Variants in PRAM1 observed in about 807,000 individuals in gnomAD.
PRAM1 encodes the protein PML-RARA-regulated adapter molecule 1.
A neutral mutation model predicts 55.3 loss-of-function variants in PRAM1; 41 were observed. The ratio of observed to expected loss-of-function variants is 0.74; its 90% CI spans 0.58 to 0.96. The LOEUF (loss-of-function observed/expected upper bound fraction) is 0.96. Ranked by LOEUF, PRAM1 falls within the 40% of genes least tolerant of loss-of-function variation. The pLI, the probability that PRAM1 is intolerant of heterozygous loss-of-function variation, is 0.00. For missense variants in PRAM1, 898 were observed against 892.7 expected, an observed-to-expected ratio of 1.01 and a Z score of -0.08; for synonymous variants, 401 against 387.1, an observed-to-expected ratio of 1.04 and a Z score of -0.42.
At chr19:8,491,868 G>A (rs1291842910) in intron 4 of PRAM1, 2 of 152,760 alleles carry the variant, frequency 1.3e-5, no homozygotes, top group African/African-American at 4.8e-5. Flanking sequence ...GGTAAAGGCA[G>A]GATTTATCTG....
Position 8,496,545 on chromosome 19 carries a change from T to G in PRAM1, c.1576+1219A>C, listed in dbSNP as rs533725195. ...CTTGAGACCAGCCTAGCCAACATGG[T>G]GAAACCCCATATCTACTAAAAATAC... On this transcript the variant is annotated intron_variant, in intron 4 of 9. Coordinates refer to ENST00000423345, the MANE Select transcript of PRAM1 (RefSeq NM_032152.5). Among the ~76,000 whole-genome samples, 761 of 151,668 alleles carry G rather than the reference T, an allele frequency of 5.0e-3. 5 individuals carry two copies. Among genetic ancestry groups the G allele is most frequent in the Non-Finnish European group, 7.2e-3 (489 of 67,906 alleles).
rs368204225 is a variant in PRAM1, at chr19:8,498,270, C to T, written c.1452G>A (p.Ser484=). 11 of 1,612,512 alleles carry T rather than the reference C, an allele frequency of 6.8e-6. No individual in the cohort carries two copies. The Admixed American group carries it at 1.0e-4, about 15-fold the overall frequency. The change falls in exon 3 of 10, where the codon TCG becomes TCA. Residue 484 remains serine, a synonymous_variant. Transcript: ENST00000423345. ...GGTCCTGGAAGTGGAGCCCAGCGGC[C>T]GAGCGGGTCCTCCGTAGATCTGTGG... The part of the protein sequence containing the change: ...AASIDLRRTR[S]AAGLHFQDRQ...
Position 8,494,641 on chromosome 19 carries a change from T to TC in PRAM1, c.1576+3122_1576+3123insG, listed in dbSNP as rs1346444896. 1.1e-4 allele frequency among the ~76,000 whole-genome samples: 16 copies of TC among 151,022 alleles called. No homozygotes were observed. The South Asian group carries it at 2.3e-3, about 22-fold the overall frequency. ...TTGCGTACCTATTTTTTTTTCTTTTTTTTTTTTTGAGATGGAGTCTCACTC... is the reference window on the plus strand; with the variant it reads ...TTGCGTACCTATTTTTTTTTCTTTTTCTTTTTTTTGAGATGGAGTCTCACTC... On this transcript the variant is annotated intron_variant, in intron 4 of 9. Transcript: ENST00000423345.
rs534829677 is a variant in PRAM1, at chr19:8,499,761, C to G, written c.47G>C (p.Arg16Pro). ...PAAMESHQDF[R>P]SIKAKFQASQ... The stretch of plus-strand genomic sequence containing the variant: ...GGCCTGGAACTTTGCTTTGATGCTC[C>G]GGAAGTCCTGATGGCTCTCCTAGGA... The change falls in exon 2 of 10, where the codon CGG becomes CCG. Residue 16 changes from arginine (R) to proline (P), a missense_variant. Arg to Pro is a moderately radical substitution (Grantham distance 103, BLOSUM62 -2). Coordinates refer to ENST00000423345, the MANE Select transcript of PRAM1 (RefSeq NM_032152.5). The G allele has an allele frequency of 4.7e-5, 75 of 1,607,346 alleles. No individual in the cohort carries two copies. The East Asian group carries it at 1.6e-3, about 34-fold the overall frequency.
chr19:8,490,475 C>CAG lies in PRAM1; in HGVS notation c.1939_1940dup (p.Glu648TrpfsTer?). The CAG allele has an allele frequency of 6.2e-7, 1 of 1,612,934 alleles. No homozygotes were observed. The highest frequency in any genetic ancestry group is 8.5e-7 in the Non-Finnish European group (1 of 1,179,554). ...CCACCACGGTCAGGGCTGGCACTCACAGGGGCAGGAGCGCTGTTCTGGGCA... is the reference window on the plus strand; with the variant it reads ...CCACCACGGTCAGGGCTGGCACTCACAGAGGGGCAGGAGCGCTGTTCTGGGCA... On this transcript the variant is annotated frameshift_variant and splice_region_variant. Transcript: ENST00000423345. LOFTEE classifies it high-confidence loss of function. This position sits in a 1 kb window ranked among gnomAD's most constrained non-coding sequence, Gnocchi z 7.3.
intron 1 of PRAM1, among the ~76,000 whole-genome samples, chr19:8,500,224 C>T (rs900924756): frequency 5.3e-5 from 8 of 151,944 alleles, no homozygotes; most frequent in Non-Finnish European, 8.8e-5. Context: ...CCCCCGACCT[C>T]GGCCTCCCCA....
Position 8,499,298 on chromosome 19 carries a change from G to C in PRAM1, c.510C>G (p.Pro170=), listed in dbSNP as rs374005704. Residue 170 remains proline (P), a synonymous_variant, in exon 2 of 10, where the codon CCC becomes CCG. Transcript: ENST00000423345. ...GTCTGGCGGGGTGACTGAGTTCGTC[G>C]GGCTGCAGGGGTTTCCGGGCCGGCG... ...PGAPARKPLQ[P]DELSHPARPP... The C allele has an allele frequency of 2.0e-5, 32 of 1,608,802 alleles. No homozygotes were observed. Among genetic ancestry groups the C allele is most frequent in the Non-Finnish European group, 2.5e-5 (30 of 1,177,596 alleles).
Position 8,497,834 on chromosome 19 carries a change from T to C in PRAM1, c.1506A>G (p.Pro502=), listed in dbSNP as rs899369039. The stretch of plus-strand genomic sequence containing the variant: ...CGTCATACAGCTCGTAGATCTCATC[T>C]GGGACCCTGCGGGGATACCTGAGAT... ...DRQPEDIPQV[P]DEIYELYDDV... is the part of the protein sequence containing the mutation. Residue 502 remains proline (P), a synonymous_variant, in exon 4 of 10, where the codon CCA becomes CCG. Coordinates refer to ENST00000423345, the MANE Select transcript of PRAM1 (RefSeq NM_032152.5). 1 of 1,571,072 alleles carries C rather than the reference T, an allele frequency of 6.4e-7. No individual in the cohort carries two copies. Among genetic ancestry groups the C allele is most frequent in the Non-Finnish European group, 8.7e-7 (1 of 1,148,698 alleles).
chr19:8,498,225 CG>C lies in PRAM1; in HGVS notation c.1496del (p.Pro499ArgfsTer65), dbSNP rs766283485. 6.2e-7 allele frequency: 1 copy of C among 1,612,010 alleles called. No individual in the cohort carries two copies. Among genetic ancestry groups the C allele is most frequent in the South Asian group, 1.1e-5 (1 of 90,732 alleles). On this transcript the variant is annotated frameshift_variant, in exon 3 of 10. Coordinates refer to ENST00000423345, the MANE Select transcript of PRAM1 (RefSeq NM_032152.5). LOFTEE classifies it high-confidence loss of function. The stretch of plus-strand genomic sequence containing the variant: ...CTCCGCTTCCTCCCCACACTCACTG[CG>C]GGATGTCTTCAGGCTGTCGGTCCTG... The part of the protein sequence containing the change: ...HFQDRQPEDI[P>X]QVPDEIYELY...
At position 8,491,106 on chromosome 19, in the gene PRAM1, G is replaced by A. The variant is rs377229945; in HGVS notation, c.1628C>T (p.Ala543Val). 3.0e-5 allele frequency: 49 copies of A among 1,612,078 alleles called. No homozygotes were observed. The highest frequency in any genetic ancestry group is 1.1e-4 in the South Asian group (10 of 91,084). ...QAARRPPQDP[A>V]LRKEKDPQPQ... ...CCCCCTCTGCCCATGGCACCTGAGC[G>A]CTGGGTCTTGTGGTGGCCTCCTGGC... The change falls in exon 5 of 10, where the codon GCG becomes GTG. Residue 543 changes from alanine to valine, a missense_variant. By Grantham distance (64) the Ala-to-Val change is moderately conservative (BLOSUM62 0). Around this residue, in one of 4 missense-constraint regions of PRAM1, gnomAD observed 787 missense variants for 735.4 expected, o/e 1.07. Transcript: ENST00000423345.
intron 4 of PRAM1, chr19:8,496,105 C>T (rs1212549713): frequency 4.4e-6 from 2 of 455,958 alleles, no homozygotes; most frequent in African/African-American, 2.0e-5. Context: ...CCCTCAGCTA[C>T]CTTGAACACA....
chr19:8,497,971 T>A, intron 3 of PRAM1, 131 bp from the exon 4 acceptor site: 1 of 698,488 alleles, frequency 1.4e-6, no homozygotes. Context: ...AGCCTCCACC[T>A]CCCGGGTTCA....
Position 8,490,666 on chromosome 19 carries a change from G to A in PRAM1, c.1834C>T (p.Arg612Cys), listed in dbSNP as rs755437699. Residue 612 changes from arginine (R) to cysteine (C), a missense_variant, in exon 7 of 10, where the codon CGC becomes TGC. Arg to Cys is a radical substitution (Grantham distance 180). This residue lies in a region of PRAM1 where 787 missense variants were observed against 735.4 expected (regional missense o/e 1.07). Transcript: ENST00000423345. The surrounding 1 kb of genome is among the most constrained non-coding windows in gnomAD (Gnocchi z 7.3). ...RGGGKHLGIR[R>C]GEILEVIEFT... ...TCGATCACCTCCAGGATCTCCCCGC[G>A]CCGGATCCCGAGGTGCTTGCCACCC... 6.3e-6 allele frequency: 10 copies of A among 1,593,640 alleles called. No homozygotes were observed. The highest frequency in any genetic ancestry group is 1.3e-5 in the African/African-American group (1 of 74,520).
At chr19:8,495,106 A>T (rs1599878994) in intron 4 of PRAM1, among the ~76,000 whole-genome samples, 2 of 137,260 alleles carry the variant, frequency 1.5e-5, no homozygotes, top group Admixed American at 7.2e-5. Context: ...TGCCCGACTC[A>T]TTTTTTTTTT....
In PRAM1 at chr19:8,499,911, T is replaced by C. The variant is rs1380670127; in HGVS notation, c.28-131A>G. The C allele has an allele frequency of 9.5e-6, 7 of 738,598 alleles. No homozygotes were observed. In the East Asian group the frequency reaches 1.9e-4, roughly 20 times the overall value. 45.8% of individuals were successfully genotyped at this position (738,598 alleles called of 1,614,324 possible). On this transcript the variant is annotated intron_variant, in intron 1 of 9. Transcript: ENST00000423345. ...CCCAGGCCCGGTCAGCCCTCAGCTCTTTCCCAGGAGCCCCCATGGATCCTA... is the reference window on the plus strand; with the variant it reads ...CCCAGGCCCGGTCAGCCCTCAGCTCCTTCCCAGGAGCCCCCATGGATCCTA...
chr19:8,496,257 T>C lies in PRAM1; in HGVS notation c.1576+1507A>G, dbSNP rs1466220716. 2.0e-5 allele frequency among the ~76,000 whole-genome samples: 3 copies of C among 151,816 alleles called. No homozygotes were observed. The East Asian group carries it at 5.8e-4, about 29-fold the overall frequency. ...AGTGAAACCCCAGCTCTACTAAAAA[T>C]ACAAAAATTAACTAGGCATGGTGGT... On this transcript the variant is annotated intron_variant, in intron 4 of 9. Coordinates refer to ENST00000423345, the MANE Select transcript of PRAM1 (RefSeq NM_032152.5).
In PRAM1 at chr19:8,499,209, G is replaced by C. The variant is rs1004545103; in HGVS notation, c.599C>G (p.Ala200Gly). Reference sequence around the variant, plus strand: ...CTCAGGCTGCGGGGACCTCGGGGTAGCCTCACCGGCCTCGGGTTGCCAGAG... The same window carrying C: ...CTCAGGCTGCGGGGACCTCGGGGTACCCTCACCGGCCTCGGGTTGCCAGAG... Reference protein sequence around the residue: ...RKLWQPEAGEATPRSPQPELS... With the variant: ...RKLWQPEAGEGTPRSPQPELS... The change falls in exon 2 of 10, where the codon GCT (alanine) becomes GGT (glycine). Residue 200 changes from alanine to glycine, a missense_variant. By Grantham distance (60) the Ala-to-Gly change is moderately conservative. Coordinates refer to ENST00000423345, the MANE Select transcript of PRAM1 (RefSeq NM_032152.5). 6.2e-7 allele frequency: 1 copy of C among 1,613,084 alleles called. No individual in the cohort carries two copies.
intron 4 of PRAM1, among the ~76,000 whole-genome samples, chr19:8,496,860 C>T (rs1252646257): frequency 6.6e-6 from 1 of 151,796 alleles, no homozygotes; most frequent in Admixed American, 6.6e-5. Context: ...CCCATCTCTA[C>T]TAAAAATACA....
At position 8,490,549 on chromosome 19, in the gene PRAM1, G is replaced by A; in HGVS notation, c.1907-40C>T. The A allele has an allele frequency of 6.2e-7, 1 of 1,602,158 alleles. No homozygotes were observed. Among genetic ancestry groups the A allele is most frequent in the Non-Finnish European group, 8.5e-7 (1 of 1,174,734 alleles). ...GGCATGGTGGGTTCTGAGGCCCAGG[G>A]TGGCGGCGGGGACCTCCCGGGGCTG... is the stretch of plus-strand genomic sequence containing the variant. On this transcript the variant is annotated intron_variant, in intron 7 of 9. Coordinates refer to ENST00000423345, the MANE Select transcript of PRAM1 (RefSeq NM_032152.5). This position sits in a 1 kb window ranked among gnomAD's most constrained non-coding sequence, Gnocchi z 7.3.
Sources: allele counts gnomAD v4.1 joint callset (sites outside exome capture counted in the v4.1 genomes callset), GRCh38; gene constraint gnomAD v4.1.1; regional missense constraint gnomAD v4.1.1; non-coding constraint Gnocchi (gnomAD v3.1); transcripts MANE v1.5; gene names NCBI Gene and HGNC (gene_info 2026-07-23, HGNC 2026-07-21).